ANKRD2: variants seen among roughly 807,000 people sequenced by gnomAD.
ANKRD2 encodes ankyrin repeat domain-containing protein 2.
ANKRD2 carries 35 observed loss-of-function variants against 37.3 expected under a neutral mutation model. That is an observed-to-expected ratio of 0.94 (90% CI 0.72 to 1.24). The LOEUF (loss-of-function observed/expected upper bound fraction) is 1.24, where lower values mean the gene tolerates loss of function less well. Ranked by LOEUF, ANKRD2 falls within the 50% of genes most tolerant of loss-of-function variation. ANKRD2 has a pLI of 0.00. For synonymous variants in ANKRD2, 159 were observed against 186.5 expected, an observed-to-expected ratio of 0.85 and a Z score of 1.20; for missense variants, 410 against 445.6, an observed-to-expected ratio of 0.92 and a Z score of 0.72.
In ANKRD2 at chr10:97,583,752, C is replaced by A; in HGVS notation, c.*27C>A. 6.7e-7 allele frequency: 1 copy of A among 1,483,754 alleles called. No individual in the cohort carries two copies. 91.9% of individuals were successfully genotyped at this position (1,483,754 alleles called of 1,614,324 possible). A position where few individuals can be genotyped will look rare whatever the true frequency, so the allele number is the denominator to read the frequency against. ...TGCGTGCCCCAGCCCAGCCAGCTAC[C>A]CAGCCCCTCTCTGTGTGCAGCCGGA... On this transcript the variant is annotated 3_prime_UTR_variant, in exon 9 of 9. Coordinates refer to ENST00000370655, the MANE Select transcript of ANKRD2 (RefSeq NM_001346793.2).
intron 4 of ANKRD2, 66 bp from the exon 5 acceptor site, chr10:97,580,789 C>T: frequency 7.8e-7 from 1 of 1,280,622 alleles, no homozygotes; most frequent in Non-Finnish European, 1.1e-6. Flanking sequence ...TGGGCCTCAG[C>T]TTGGGTGGGA....
rs1032357416 is a variant in ANKRD2, at chr10:97,583,875, T to G, written c.*150T>G. ...ACAAACTACCACAATAAAAAAGCTG[T>G]TTTTGCTAATTGCGATGTTCATTTC... On this transcript the variant is annotated 3_prime_UTR_variant, in exon 9 of 9. Transcript: ENST00000370655. 1.2e-6 allele frequency: 1 copy of G among 864,224 alleles called. No homozygotes were observed. The highest frequency in any genetic ancestry group is 1.6e-6 in the Non-Finnish European group (1 of 628,830). The allele number at this position is 864,224 out of a possible 1,614,324, so 53.5% of individuals were successfully genotyped here.
intron 5 of ANKRD2, 43 bp from the exon 6 acceptor site, chr10:97,581,273 C>G (rs762088972): frequency 6.3e-7 from 1 of 1,587,320 alleles, no homozygotes; most frequent in Non-Finnish European, 8.6e-7. Context: ...CGAATACTTT[C>G]TTCCCTGCAG....
At chr10:97,580,764 G>C (rs999996264) in intron 4 of ANKRD2, 91 bp from the exon 5 acceptor site, 5 of 934,756 alleles carry the variant, frequency 5.3e-6, no homozygotes, top group South Asian at 4.5e-5. Flanking sequence ...TGAGAATCAA[G>C]CTGGGGGGAA....
chr10:97,581,780 C>T (rs1019021618), intron 6 of ANKRD2, among the ~76,000 whole-genome samples: 1 of 152,240 alleles, frequency 6.6e-6, no homozygotes, highest in African/African-American at 2.4e-5. Flanking sequence ...TCTATCCATC[C>T]ATCCATTCCT....
chr10:97,578,350 G>T lies in ANKRD2; in HGVS notation c.300G>T (p.Arg100=), dbSNP rs2135702464. 9 of 1,613,684 alleles carry T rather than the reference G, an allele frequency of 5.6e-6. No homozygotes were observed. The highest frequency in any genetic ancestry group is 7.6e-6 in the Non-Finnish European group (9 of 1,179,934). ...ELRKKRKQKK[R]DALAASHEPP... is the part of the protein sequence containing the mutation. ...GGAAGAAACGCAAGCAGAAGAAGCG[G>T]GACGCTCTGGCCGCCTCGCATGAGC... Residue 100 remains arginine, a synonymous_variant, in exon 3 of 9, where the codon CGG becomes CGT. Coordinates refer to ENST00000370655, the MANE Select transcript of ANKRD2 (RefSeq NM_001346793.2).
chr10:97,576,200 A>T (rs2135699653), intron 1 of ANKRD2, among the ~76,000 whole-genome samples: 1 of 152,324 alleles, frequency 6.6e-6, no homozygotes, highest in South Asian at 2.1e-4. Context: ...AAGGGGCCTG[A>T]GTGCTCTGTA....
chr10:97,577,038 C>T (rs1002767467), intron 1 of ANKRD2, among the ~76,000 whole-genome samples: 1 of 151,768 alleles, frequency 6.6e-6, no homozygotes. Flanking sequence ...CTCTCTCTCA[C>T]TGTCACTCAG....
At chr10:97,572,613 C>T, upstream of ANKRD2, 2 of 1,443,060 alleles carry the variant, frequency 1.4e-6, no homozygotes, top group South Asian at 1.4e-5. Flanking sequence ...GCAACTGGCT[C>T]TGCTCCCTGG....
chr10:97,582,820 A>T (rs1171248740), intron 8 of ANKRD2, 118 bp downstream of exon 8: 30 of 811,636 alleles, frequency 3.7e-5, no homozygotes, highest in Non-Finnish European at 2.9e-5. Flanking sequence ...TCTGGCCAGC[A>T]CCATAGTACA....
chr10:97,578,344 G>T lies in ANKRD2; in HGVS notation c.294G>T (p.Lys98Asn), dbSNP rs2040853738. The T allele has an allele frequency of 6.2e-7, 1 of 1,613,626 alleles. No individual in the cohort carries two copies. Among genetic ancestry groups the T allele is most frequent in the Middle Eastern group, 1.7e-4 (1 of 6,060 alleles). ...LIELRKKRKQKKRDALAASHE... is the reference protein window; with the variant it reads ...LIELRKKRKQNKRDALAASHE... ...AGCTGCGGAAGAAACGCAAGCAGAA[G>T]AAGCGGGACGCTCTGGCCGCCTCGC... The change falls in exon 3 of 9, where the codon AAG (lysine) becomes AAT (asparagine). Residue 98 changes from lysine to asparagine, a missense_variant. Transcript: ENST00000370655.
chr10:97,579,980 G>A (rs192741236), intron 4 of ANKRD2, among the ~76,000 whole-genome samples: 16 of 152,088 alleles, frequency 1.1e-4, no homozygotes, highest in South Asian at 2.1e-4. Context: ...CACACTTCCC[G>A]GGGTGCTTTC....
At chr10:97,582,798 T>C (rs1201332085) in intron 8 of ANKRD2, 96 bp downstream of exon 8, 1 of 1,098,966 alleles carries the variant, frequency 9.1e-7, no homozygotes, top group Non-Finnish European at 1.4e-6. Context: ...CCTAGGGACA[T>C]GTATCATTGG....
At chr10:97,583,552 C>CA in intron 8 of ANKRD2, 24 bp from the exon 9 acceptor site, 1 of 1,569,670 alleles carries the variant, frequency 6.4e-7, no homozygotes. Context: ...TGCCAACCCC[C>CA]ACGCCCCGTC....
Position 97,582,454 on chromosome 10 carries a change from G to A in ANKRD2, c.753+41G>A, listed in dbSNP as rs73332757. ...TCCGCTGCTCACCCGCCATGGGTGT[G>A]TGGGCAGCCTGCGGGCCCCTACAGG... On this transcript the variant is annotated intron_variant, in intron 7 of 8. Transcript: ENST00000370655. 2.4e-3 allele frequency: 3,832 copies of A among 1,594,604 alleles called. 77 individuals are homozygous for A. In the African/African-American group the frequency reaches 0.047, roughly 20 times the overall value.
At chr10:97,579,052 C>CACGTCTGTA (rs2040864747) in intron 4 of ANKRD2, among the ~76,000 whole-genome samples, 1 of 152,102 alleles carries the variant, frequency 6.6e-6, no homozygotes, top group Non-Finnish European at 1.5e-5. Context: ...CACTGTGGCT[C>CACGTCTGTA]ACGTCTGTAA....
At chr10:97,581,030 G>C in intron 5 of ANKRD2, 77 bp downstream of exon 5, 1 of 1,337,540 alleles carries the variant, frequency 7.5e-7, no homozygotes, top group Non-Finnish European at 1.0e-6. Context: ...CCTGCCACCT[G>C]TGCCAACCTG....
chr10:97,580,372 A>G (rs1468836498), intron 4 of ANKRD2, among the ~76,000 whole-genome samples: 1 of 152,210 alleles, frequency 6.6e-6, no homozygotes, highest in Non-Finnish European at 1.5e-5. Context: ...CTTTCTTTGA[A>G]TCAGTGATCA....
chr10:97,583,839 G>A lies in ANKRD2; in HGVS notation c.*114G>A. 1 of 1,219,846 alleles carries A rather than the reference G, an allele frequency of 8.2e-7. No individual in the cohort carries two copies. The highest frequency in any genetic ancestry group is 1.1e-6 in the Non-Finnish European group (1 of 928,314). The allele number at this position is 1,219,846 out of a possible 1,614,324, so 75.6% of individuals were successfully genotyped here. On this transcript the variant is annotated 3_prime_UTR_variant, in exon 9 of 9. Transcript: ENST00000370655. ...CCAGCCTTTTTTCTGCATGATCCAG[G>A]AGCACATACCACAAACTACCACAAT... is the stretch of plus-strand genomic sequence containing the variant.
Sources: allele counts gnomAD v4.1 joint callset (sites outside exome capture counted in the v4.1 genomes callset), GRCh38; gene constraint gnomAD v4.1.1; transcripts MANE v1.5; gene names NCBI Gene and HGNC (gene_info 2026-07-23, HGNC 2026-07-21).